The following ITPRID1 variants were observed in gnomAD, a reference collection of about 807,000 sequenced individuals.
ITPRID1 encodes the protein protein ITPRID1.
A neutral mutation model predicts 95.4 loss-of-function variants in ITPRID1; 96 were observed. That is an observed-to-expected ratio of 1.01 (90% CI 0.85 to 1.19). The LOEUF (loss-of-function observed/expected upper bound fraction) is 1.19. ITPRID1 is among the 50% of genes most tolerant of loss of function. The pLI is 0.00. For missense variants in ITPRID1, 1,339 were observed against 1,252.9 expected (o/e 1.07, Z -1.04); for synonymous variants, 510 against 453.6 (o/e 1.12, Z -1.58).
intron 1 of ITPRID1, among the ~76,000 whole-genome samples, chr7:31,514,434 A>C (rs1348646605): frequency 6.6e-6 from 1 of 152,216 alleles, no homozygotes; most frequent in Non-Finnish European, 1.5e-5. Flanking sequence ...TTGAAATGTA[A>C]GAAGGAATAT....
In ITPRID1 at chr7:31,654,068, A is replaced by G. The variant is rs77422885; in HGVS notation, c.*1239A>G. On this transcript the variant is annotated 3_prime_UTR_variant, in exon 15 of 15. Coordinates refer to ENST00000615280, the MANE Select transcript of ITPRID1 (RefSeq NM_001257967.3). Reference sequence around the variant, plus strand: ...AGAGTAAGTCCAAAAAAAAAAAAAAAAAAACCAACAAGCAAATAATTACAA... The same window carrying G: ...AGAGTAAGTCCAAAAAAAAAAAAAAGAAAACCAACAAGCAAATAATTACAA... 0.021 allele frequency among the ~76,000 whole-genome samples: 3,247 copies of G among 151,960 alleles called. 131 individuals are homozygous for G. Among genetic ancestry groups the G allele is most frequent in the African/African-American group, 0.074 (3,066 of 41,330 alleles).
At chr7:31,619,134 G>A (rs1030343680) in intron 10 of ITPRID1, among the ~76,000 whole-genome samples, 1 of 152,134 alleles carries the variant, frequency 6.6e-6, no homozygotes, top group Non-Finnish European at 1.5e-5. Context: ...CATTTCATTA[G>A]TCTTTCAAAA....
At chr7:31,567,717 C>T (rs1784849663) in intron 5 of ITPRID1, among the ~76,000 whole-genome samples, 1 of 151,998 alleles carries the variant, frequency 6.6e-6, no homozygotes, top group South Asian at 2.1e-4. Flanking sequence ...GAGTAGCTGT[C>T]ACCCTGCCTG....
intron 10 of ITPRID1, among the ~76,000 whole-genome samples, chr7:31,624,209 T>C (rs371918309): frequency 0.013 from 1,840 of 146,870 alleles, 13 homozygotes; most frequent in African/African-American, 0.026. Flanking sequence ...AGGTAATTTA[T>C]AGATTCAATG....
chr7:31,529,441 A>T lies in ITPRID1; in HGVS notation c.-98+15321A>T, dbSNP rs181389355. The T allele has an allele frequency of 9.3e-4, 265 of 284,832 alleles. 1 individual carries two copies. Among genetic ancestry groups the T allele is most frequent in the African/African-American group, 5.2e-3 (242 of 46,126 alleles). The allele number at this position is 284,832 out of a possible 1,614,324, so 17.6% of individuals were successfully genotyped here. A position where few individuals can be genotyped will look rare whatever the true frequency, so the allele number is the denominator to read the frequency against. ...CAAGAGGTTTCACAGAAATAAAACC[A>T]CAACGGAAACCATTGTATTCATTCT... On this transcript the variant is annotated intron_variant, in intron 1 of 14. Coordinates refer to ENST00000615280, the MANE Select transcript of ITPRID1 (RefSeq NM_001257967.3).
chr7:31,638,366 G>A (rs1290797960), intron 10 of ITPRID1, among the ~76,000 whole-genome samples: 1 of 152,108 alleles, frequency 6.6e-6, no homozygotes, highest in Non-Finnish European at 1.5e-5. Flanking sequence ...CTATTACTCA[G>A]GTTAAAGGCT....
At chr7:31,556,628 C>G (rs1784455668) in intron 5 of ITPRID1, among the ~76,000 whole-genome samples, 1 of 152,002 alleles carries the variant, frequency 6.6e-6, no homozygotes, top group South Asian at 2.1e-4. Context: ...GTACCAGAAA[C>G]TGGGGACCTG....
chr7:31,601,409 C>T (rs1786386763), intron 10 of ITPRID1, among the ~76,000 whole-genome samples: 1 of 152,100 alleles, frequency 6.6e-6, no homozygotes, highest in African/African-American at 2.4e-5. Flanking sequence ...GTGTAACTGC[C>T]CACAGCCACA....
At chr7:31,525,025 GTAT>G (rs1168572538) in intron 1 of ITPRID1, among the ~76,000 whole-genome samples, 2 of 152,060 alleles carry the variant, frequency 1.3e-5, no homozygotes, top group Admixed American at 6.6e-5. Flanking sequence ...TGTGCAATTA[GTAT>G]TATTATTACA....
At chr7:31,569,099 A>G (rs1308306057) in intron 5 of ITPRID1, among the ~76,000 whole-genome samples, 2 of 152,216 alleles carry the variant, frequency 1.3e-5, no homozygotes, top group Admixed American at 6.5e-5. Context: ...TAATAAAGGT[A>G]AGAATAAATT....
Position 31,574,733 on chromosome 7 carries a change from A to G in ITPRID1, c.589A>G (p.Asn197Asp). 1.2e-6 allele frequency: 2 copies of G among 1,613,770 alleles called. No individual in the cohort carries two copies. The highest frequency in any genetic ancestry group is 1.7e-6 in the Non-Finnish European group (2 of 1,179,772). Residue 197 changes from asparagine (N) to aspartate (D), a missense_variant, in exon 8 of 15, where the codon AAC becomes GAC. By Grantham distance (23) the Asn-to-Asp change is conservative. Coordinates refer to ENST00000615280, the MANE Select transcript of ITPRID1 (RefSeq NM_001257967.3). The part of the protein sequence containing the change: ...QKQRMDIENP[N>D]LYGRFRQLEI... The stretch of plus-strand genomic sequence containing the variant: ...GCAGCGAATGGACATTGAGAACCCC[A>G]ACTTGTACGGTAAGCGAGGTGCCTG...
intron 10 of ITPRID1, among the ~76,000 whole-genome samples, chr7:31,628,271 A>G (rs1007191989): frequency 1.3e-5 from 2 of 152,086 alleles, no homozygotes; most frequent in African/African-American, 4.8e-5. Flanking sequence ...GAAAGCCTGG[A>G]GCACAGGCAG....
intron 1 of ITPRID1, among the ~76,000 whole-genome samples, chr7:31,516,832 G>C (rs912679246): frequency 4.6e-5 from 7 of 152,038 alleles, no homozygotes; most frequent in Non-Finnish European, 4.4e-5. Context: ...GTGGGTTCTC[G>C]GTCTCGCTGA....
At chr7:31,642,449 A>ATT (rs1179788159) in intron 11 of ITPRID1, among the ~76,000 whole-genome samples, 191 bp downstream of exon 11, 3 of 152,250 alleles carry the variant, frequency 2.0e-5, no homozygotes, top group Non-Finnish European at 2.9e-5. Context: ...ATGGAGTCAT[A>ATT]TTAGACAAGG....
chr7:31,577,351 T>A (rs1364634698), intron 8 of ITPRID1, among the ~76,000 whole-genome samples: 2 of 152,190 alleles, frequency 1.3e-5, no homozygotes, highest in African/African-American at 4.8e-5. Flanking sequence ...AAACATCCAG[T>A]GAATGGTTGA....
chr7:31,619,072 C>T (rs1385575281), intron 10 of ITPRID1, among the ~76,000 whole-genome samples: 1 of 152,190 alleles, frequency 6.6e-6, no homozygotes, highest in Admixed American at 6.5e-5. Flanking sequence ...TGTCTTCTTT[C>T]AATTTGTAAA....
At chr7:31,529,179 G>T (rs1214965118) in intron 1 of ITPRID1, among the ~76,000 whole-genome samples, 1 of 152,106 alleles carries the variant, frequency 6.6e-6, no homozygotes, top group Non-Finnish European at 1.5e-5. Flanking sequence ...TGTATGTTTT[G>T]CTCCCTCTGA....
At chr7:31,623,975 T>C (rs1159389858) in intron 10 of ITPRID1, among the ~76,000 whole-genome samples, 1 of 148,780 alleles carries the variant, frequency 6.7e-6, no homozygotes, top group East Asian at 2.0e-4. Context: ...TATACACCAA[T>C]AACAGACAAA....
chr7:31,599,666 C>CTTTT, intron 10 of ITPRID1, among the ~76,000 whole-genome samples: 1 of 50,658 alleles, frequency 2.0e-5, no homozygotes, highest in Admixed American at 2.3e-4. Flanking sequence ...TTTCCTTTCT[C>CTTTT]TCTCTCTCTC....
Sources: allele counts gnomAD v4.1 joint callset (sites outside exome capture counted in the v4.1 genomes callset), GRCh38; gene constraint gnomAD v4.1.1; transcripts MANE v1.5; gene names NCBI Gene and HGNC (gene_info 2026-07-23, HGNC 2026-07-21).